Variants in KSR2 observed in about 807,000 individuals in gnomAD.
KSR2 encodes the protein kinase suppressor of ras 2.
KSR2 carries 25 observed loss-of-function variants against 107.8 expected under a neutral mutation model. The ratio of observed to expected loss-of-function variants is 0.23; its 90% CI spans 0.17 to 0.32. The LOEUF (loss-of-function observed/expected upper bound fraction) is 0.32, where lower values mean the gene tolerates loss of function less well. Ranked by LOEUF, KSR2 falls within the 10% of genes least tolerant of loss-of-function variation. The pLI is 1.00. For synonymous variants in KSR2, 480 were observed against 507.0 expected, an observed-to-expected ratio of 0.95 and a Z score of 0.71; for missense variants, 887 against 1,268.9, an observed-to-expected ratio of 0.70 and a Z score of 4.57.
chr12:117,697,726 C>T (rs556788444), intron 4 of KSR2, among the ~76,000 whole-genome samples: 2 of 134,304 alleles, frequency 1.5e-5, no homozygotes, highest in African/African-American at 2.9e-5. Context: ...GGCAACAGAG[C>T]GAGACTCCAT....
intron 1 of KSR2, among the ~76,000 whole-genome samples, chr12:117,929,114 A>G (rs1402217087): frequency 6.6e-6 from 1 of 152,210 alleles, no homozygotes; most frequent in Non-Finnish European, 1.5e-5. Context: ...CAATTACTTC[A>G]CATCTCTGCA....
intron 5 of KSR2, among the ~76,000 whole-genome samples, chr12:117,611,072 T>C (rs1174547384): frequency 6.6e-6 from 1 of 152,214 alleles, no homozygotes; most frequent in Non-Finnish European, 1.5e-5. Flanking sequence ...TAAGTCCTTA[T>C]AAAAGTTATA....
Position 117,527,057 on chromosome 12 carries a change from T to C in KSR2, c.1851+14A>G. On this transcript the variant is annotated intron_variant, in intron 13 of 19. Transcript: ENST00000339824. The stretch of plus-strand genomic sequence containing the variant: ...TCCCTGGAAAATGTCGCTTCACTGC[T>C]CTCTGATTCTCACCTCCGACGTTGG... 5.6e-6 allele frequency: 9 copies of C among 1,612,664 alleles called. No individual in the cohort carries two copies. The highest frequency in any genetic ancestry group is 7.6e-6 in the Non-Finnish European group (9 of 1,178,756).
chr12:117,615,948 T>C (rs1251462835), intron 5 of KSR2, among the ~76,000 whole-genome samples: 2 of 152,074 alleles, frequency 1.3e-5, no homozygotes, highest in Non-Finnish European at 2.9e-5. Flanking sequence ...AGCCCAGAAG[T>C]TCGAGACCAC....
rs1566089596 is a variant in KSR2, at chr12:117,936,527, T to TAGTAGTAG, written c.180+31548_180+31549insCTACTACT. ...TATTATTATTTTATTATTATTATTA[T>TAGTAGTAG]TATTATTAGTAGTAGTAGTAGTAGT... On this transcript the variant is annotated intron_variant, in intron 1 of 19. Transcript: ENST00000339824. Among the ~76,000 whole-genome samples the TAGTAGTAG allele has an allele frequency of 7.2e-3, 863 of 119,550 alleles. 7 individuals carry two copies. Among genetic ancestry groups the TAGTAGTAG allele is most frequent in the Admixed American group, 9.9e-3 (116 of 11,772 alleles). The allele number at this position is 119,550 out of a possible 152,430, so 78.4% of individuals were successfully genotyped here.
intron 5 of KSR2, among the ~76,000 whole-genome samples, chr12:117,654,892 G>A (rs918004029): frequency 6.6e-6 from 1 of 152,150 alleles, no homozygotes; most frequent in Non-Finnish European, 1.5e-5. Context: ...ATTGCCCAAT[G>A]TGCCCATGAA....
chr12:117,525,844 G>A (rs1875109861), intron 13 of KSR2, among the ~76,000 whole-genome samples: 1 of 152,208 alleles, frequency 6.6e-6, no homozygotes, highest in Admixed American at 6.5e-5. Context: ...CTAGCTGTCT[G>A]AGGCTCCTAC....
chr12:117,563,490 A>T (rs895458110), intron 7 of KSR2, among the ~76,000 whole-genome samples: 2 of 152,158 alleles, frequency 1.3e-5, no homozygotes, highest in Non-Finnish European at 2.9e-5. Context: ...TAAGGTGGGG[A>T]CAATTGTAGC....
At chr12:117,788,062 G>A (rs1432404470) in intron 3 of KSR2, among the ~76,000 whole-genome samples, 1 of 152,242 alleles carries the variant, frequency 6.6e-6, no homozygotes, top group Non-Finnish European at 1.5e-5. Context: ...GATGGAGAAT[G>A]AACAGCTGTC....
At chr12:117,963,206 T>G (rs1896707720) in intron 1 of KSR2, among the ~76,000 whole-genome samples, 1 of 150,346 alleles carries the variant, frequency 6.7e-6, no homozygotes, top group South Asian at 2.1e-4. Context: ...AAAAGAAAAC[T>G]GCCCCACCCA....
At chr12:117,569,504 C>G (rs1291676409) in intron 7 of KSR2, among the ~76,000 whole-genome samples, 1 of 152,220 alleles carries the variant, frequency 6.6e-6, no homozygotes, top group Non-Finnish European at 1.5e-5. Flanking sequence ...TTAACTCAGG[C>G]TTCCAAACAC....
chr12:117,560,473 C>T (rs78466158), intron 7 of KSR2, among the ~76,000 whole-genome samples: 76 of 152,024 alleles, frequency 5.0e-4, no homozygotes, highest in African/African-American at 1.7e-3. Context: ...CAGGGTGAGA[C>T]GTAAGCCCCT....
chr12:117,584,381 C>T (rs949872033), intron 5 of KSR2, among the ~76,000 whole-genome samples: 20 of 151,624 alleles, frequency 1.3e-4, no homozygotes, highest in Non-Finnish European at 2.9e-5. Flanking sequence ...GTGCTTTCTC[C>T]AGTGCGAGGG....
Position 117,897,511 on chromosome 12 carries a change from C to A in KSR2, c.181-37080G>T, listed in dbSNP as rs1566072560. On this transcript the variant is annotated intron_variant, in intron 1 of 19. Coordinates refer to ENST00000339824, the MANE Select transcript of KSR2 (RefSeq NM_173598.6). The surrounding 1 kb of genome is among the most constrained non-coding windows in gnomAD (Gnocchi z 4.5). ...AAGCTTACTGGTGTCTCCTGTGATT[C>A]CCAGGAGAGGGGCCGCACTCTGTCT... Among the ~76,000 whole-genome samples the A allele has an allele frequency of 6.6e-6, 1 of 152,122 alleles. No individual in the cohort carries two copies. Among genetic ancestry groups the A allele is most frequent in the Admixed American group, 6.6e-5 (1 of 15,262 alleles).
At chr12:117,469,963 C>T (rs1343670358) in intron 18 of KSR2, among the ~76,000 whole-genome samples, 168 bp from the exon 19 acceptor site, 1 of 125,272 alleles carries the variant, frequency 8.0e-6, no homozygotes, top group Non-Finnish European at 1.7e-5. Flanking sequence ...TACGTGTCTA[C>T]ACATCTACCC....
intron 16 of KSR2, among the ~76,000 whole-genome samples, chr12:117,477,517 A>T (rs1871863592): frequency 6.6e-6 from 1 of 152,192 alleles, no homozygotes; most frequent in Non-Finnish European, 1.5e-5. Flanking sequence ...TAAACAGGAA[A>T]AGCTAAAGAT....
chr12:117,705,994 T>C (rs1886510455), intron 4 of KSR2, among the ~76,000 whole-genome samples: 1 of 151,554 alleles, frequency 6.6e-6, no homozygotes, highest in Non-Finnish European at 1.5e-5. Flanking sequence ...TATGGTTAAC[T>C]GAGTGCCTGC....
In KSR2 at chr12:117,496,444, G is replaced by C. The variant is rs1281748562; in HGVS notation, c.2220-10753C>G. ...TATTTTCTCAGCATCTCCTAACGAT[G>C]GGGCTGCACATCTCATTCAGTATCT... is the stretch of plus-strand genomic sequence containing the variant. On this transcript the variant is annotated intron_variant, in intron 14 of 19. Transcript: ENST00000339824. 3.3e-5 allele frequency among the ~76,000 whole-genome samples: 5 copies of C among 152,140 alleles called. No individual in the cohort carries two copies. In the East Asian group the frequency reaches 9.6e-4, roughly 29 times the overall value.
chr12:117,503,148 G>GA (rs370363720), intron 14 of KSR2, among the ~76,000 whole-genome samples: 146 of 152,268 alleles, frequency 9.6e-4, no homozygotes, highest in African/African-American at 3.3e-3. Context: ...TAGGAGCTTG[G>GA]AATTTGAAGT....
Sources: gnomAD v4.1 joint callset for allele counts (sites outside exome capture counted in the v4.1 genomes callset) on GRCh38, gnomAD v4.1.1 for gene constraint, Gnocchi (gnomAD v3.1) non-coding constraint, MANE v1.5 for transcripts, NCBI Gene and HGNC (gene_info 2026-07-23, HGNC 2026-07-21) for gene names.